USH2A: variants seen among roughly 807,000 people sequenced by gnomAD.
USH2A encodes the protein Usher syndrome 2A (autosomal recessive, mild).
A neutral mutation model predicts 538.9 loss-of-function variants in USH2A; 443 were observed. The ratio of observed to expected loss-of-function variants is 0.82; its 90% confidence interval spans 0.76 to 0.89. The LOEUF is 0.89. Ranked by LOEUF, USH2A falls within the 40% of genes least tolerant of loss-of-function variation. The pLI, the probability that USH2A is intolerant of heterozygous loss-of-function variation, is 0.00. For missense variants in USH2A, 6,633 were observed against 6,324.8 expected, an observed-to-expected ratio of 1.05 and a Z score of -1.65; for synonymous variants, 2,413 against 2,273.5, an observed-to-expected ratio of 1.06 and a Z score of -1.75.
intron 44 of USH2A, among the ~76,000 whole-genome samples, chr1:215,861,753 T>C (rs1313891800): frequency 1.3e-5 from 2 of 151,556 alleles, no homozygotes; most frequent in Non-Finnish European, 2.9e-5. Context: ...GGGAGGTTAG[T>C]AAATGCAGTT....
At chr1:215,881,583 G>A (rs1356582673) in intron 41 of USH2A, among the ~76,000 whole-genome samples, 1 of 152,112 alleles carries the variant, frequency 6.6e-6, no homozygotes, top group African/African-American at 2.4e-5. Context: ...ATGACCTTTT[G>A]TATATCCATT....
intron 11 of USH2A, among the ~76,000 whole-genome samples, chr1:216,262,555 T>C (rs985961280): frequency 3.1e-4 from 47 of 151,908 alleles, no homozygotes; most frequent in African/African-American, 1.1e-3. Context: ...TAAGAAAGAA[T>C]AAAGAAAGCC....
intron 27 of USH2A, among the ~76,000 whole-genome samples, chr1:216,073,843 C>T (rs2031656619): frequency 6.6e-6 from 1 of 152,224 alleles, no homozygotes; most frequent in African/African-American, 2.4e-5. Context: ...CCATGAATGG[C>T]ATAATGATCA....
At chr1:216,034,485 C>T (rs1669197660) in intron 32 of USH2A, among the ~76,000 whole-genome samples, 1 of 152,106 alleles carries the variant, frequency 6.6e-6, no homozygotes, top group Non-Finnish European at 1.5e-5. Context: ...TGAATGTCAC[C>T]TCATTTGAAA....
intron 30 of USH2A, among the ~76,000 whole-genome samples, chr1:216,055,969 T>A (rs1654856408): frequency 6.6e-6 from 1 of 152,234 alleles, no homozygotes; most frequent in Non-Finnish European, 1.5e-5. Flanking sequence ...ATGCAGATGT[T>A]GATTCTTACA....
At chr1:215,649,138 C>T (rs909156930) in intron 65 of USH2A, among the ~76,000 whole-genome samples, 2 of 152,270 alleles carry the variant, frequency 1.3e-5, no homozygotes, top group Admixed American at 1.3e-4. Context: ...ACAAAATCTG[C>T]CTTCCAATTA....
At chr1:215,991,778 G>A (rs1311673685) in intron 35 of USH2A, among the ~76,000 whole-genome samples, 2 of 152,164 alleles carry the variant, frequency 1.3e-5, no homozygotes, top group African/African-American at 4.8e-5. Flanking sequence ...TTAACCAATT[G>A]GGATGAAGGG....
intron 47 of USH2A, among the ~76,000 whole-genome samples, chr1:215,819,310 T>G (rs1221924936): frequency 6.6e-6 from 1 of 151,764 alleles, no homozygotes; most frequent in Admixed American, 6.6e-5. Context: ...CCTATCAGAA[T>G]TCCAAGTGAC....
At chr1:216,114,140 T>A (rs2032944435) in intron 21 of USH2A, among the ~76,000 whole-genome samples, 1 of 151,914 alleles carries the variant, frequency 6.6e-6, no homozygotes, top group Non-Finnish European at 1.5e-5. Context: ...TTATTATATA[T>A]TTAATTGATA....
intron 15 of USH2A, among the ~76,000 whole-genome samples, chr1:216,208,144 T>C (rs963423970): frequency 1.3e-5 from 2 of 152,154 alleles, no homozygotes; most frequent in African/African-American, 4.8e-5. Flanking sequence ...ACTGTAAATT[T>C]TTCTTAGTCT....
intron 62 of USH2A, among the ~76,000 whole-genome samples, chr1:215,676,519 G>A (rs1321338977): frequency 3.3e-5 from 5 of 152,130 alleles, no homozygotes; most frequent in Non-Finnish European, 7.3e-5. Flanking sequence ...ACATTTTACA[G>A]CCCTTGGAAG....
At chr1:216,337,916 C>T (rs1167868913) in intron 4 of USH2A, among the ~76,000 whole-genome samples, 1 of 150,902 alleles carries the variant, frequency 6.6e-6, no homozygotes, top group East Asian at 1.9e-4. Flanking sequence ...TACAATAGCA[C>T]CAAAACCTTG....
At chr1:215,906,390 G>A (rs532192002) in intron 38 of USH2A, among the ~76,000 whole-genome samples, 1 of 152,144 alleles carries the variant, frequency 6.6e-6, no homozygotes, top group Admixed American at 6.6e-5. Context: ...GGCTCAGAGA[G>A]AAGTTAAATA....
At chr1:216,357,418 T>C (rs2038410351) in intron 4 of USH2A, among the ~76,000 whole-genome samples, 1 of 152,102 alleles carries the variant, frequency 6.6e-6, no homozygotes, top group African/African-American at 2.4e-5. Context: ...ATGGAGTTTG[T>C]GTATCTAGCA....
chr1:216,022,668 T>G (rs1167720106), intron 32 of USH2A, among the ~76,000 whole-genome samples: 2 of 152,104 alleles, frequency 1.3e-5, no homozygotes, highest in East Asian at 3.9e-4. Context: ...TTTAACATAG[T>G]CTCATTCAGC....
rs1335634657 is a variant in USH2A at position 215,650,753 on chromosome 1, A to C, written c.14182T>G (p.Cys4728Gly). The C allele has an allele frequency of 6.2e-7, 1 of 1,613,522 alleles. No homozygotes were observed. The highest frequency in any genetic ancestry group is 8.5e-7 in the Non-Finnish European group (1 of 1,179,954). Residue 4728 changes from cysteine (C) to glycine (G), a missense_variant, in exon 65 of 72, where the codon TGC becomes GGC. Coordinates refer to ENST00000307340, the MANE Select transcript of USH2A (RefSeq NM_206933.4). ...AGKAPSSWTW[C>G]RTGPAPPEGL... ...TCTGGTGGGGCTGGCCCGGTTCTGC[A>C]CCATGTCCAGCTACTGGGGGCTTTT...
chr1:216,365,125 A>G (rs1467533112), intron 3 of USH2A, 40 bp from the exon 4 acceptor site: 1 of 1,587,106 alleles, frequency 6.3e-7, no homozygotes, highest in South Asian at 1.2e-5. Context: ...AAGTGCATAA[A>G]CTTTTATTTT....
At chr1:216,019,471 A>G (rs771407377) in intron 32 of USH2A, among the ~76,000 whole-genome samples, 5 of 152,188 alleles carry the variant, frequency 3.3e-5, no homozygotes, top group Admixed American at 6.6e-5. Context: ...AGCTTTGTTT[A>G]GTCTTTGTTC....
intron 46 of USH2A, among the ~76,000 whole-genome samples, chr1:215,843,099 G>T (rs1663730673): frequency 6.6e-6 from 1 of 152,106 alleles, no homozygotes; most frequent in Non-Finnish European, 1.5e-5. Context: ...CTAAAGTGTT[G>T]GTTGTAGCCA....
Sources: allele counts gnomAD v4.1 joint callset (sites outside exome capture counted in the v4.1 genomes callset), GRCh38; gene constraint gnomAD v4.1.1; transcripts MANE v1.5; gene names NCBI Gene and HGNC (gene_info 2026-07-23, HGNC 2026-07-21).